The following DCC variants were observed in gnomAD, a reference collection of about 807,000 sequenced individuals.
DCC encodes DCC netrin 1 receptor.
Under a neutral mutation model 172.5 loss-of-function variants are expected in DCC, and 58 were observed. The observed-to-expected ratio is 0.34, with a 90% CI of 0.27 to 0.42. The LOEUF (loss-of-function observed/expected upper bound fraction) is 0.42, where lower values mean the gene tolerates loss of function less well. Ranked by LOEUF, DCC falls within the 10% of genes least tolerant of loss-of-function variation. The pLI, the probability that DCC is intolerant of heterozygous loss-of-function variation, is 1.00. For missense variants in DCC, 1,740 were observed against 1,791.0 expected (o/e 0.97, Z 0.51); for synonymous variants, 709 against 644.5 (o/e 1.10, Z -1.52).
chr18:53,483,807 AT>A (rs1297137709), intron 25 of DCC, among the ~76,000 whole-genome samples: 1 of 151,860 alleles, frequency 6.6e-6, no homozygotes, highest in African/African-American at 2.4e-5. Flanking sequence ...ATAGCGTAAA[AT>A]TTTATTGGAG....
At chr18:53,189,135 G>A (rs1047239518) in intron 9 of DCC, among the ~76,000 whole-genome samples, 1 of 151,998 alleles carries the variant, frequency 6.6e-6, no homozygotes, top group Non-Finnish European at 1.5e-5. Flanking sequence ...AGCAAACTAT[G>A]AAGTATATAT....
Position 53,366,680 on chromosome 18 carries a change from G to A in DCC, c.2360-19363G>A, listed in dbSNP as rs868481212. On this transcript the variant is annotated intron_variant, in intron 15 of 28. Transcript: ENST00000442544. The stretch of plus-strand genomic sequence containing the variant: ...TCCAAAAGCAATTACTTTAATAATA[G>A]ACTCGCCTATCTGAGTTTTAACAAG... Among the ~76,000 whole-genome samples, 8 of 152,194 alleles carry A rather than the reference G, an allele frequency of 5.3e-5. 1 individual carries two copies. The Middle Eastern group carries it at 0.017, about 324-fold the overall frequency.
chr18:53,052,644 GT>G (rs2042348965), intron 5 of DCC, among the ~76,000 whole-genome samples: 1 of 152,212 alleles, frequency 6.6e-6, no homozygotes, highest in Non-Finnish European at 1.5e-5. Flanking sequence ...AGGGGAATGA[GT>G]TTAGTTGAAG....
intron 1 of DCC, among the ~76,000 whole-genome samples, chr18:52,468,326 G>T (rs1488862853): frequency 3.9e-5 from 6 of 152,208 alleles, no homozygotes; most frequent in Non-Finnish European, 7.3e-5. Flanking sequence ...CATCGAAAAA[G>T]ATTGATGTTG....
chr18:52,984,639 C>T (rs2041263697), intron 5 of DCC, among the ~76,000 whole-genome samples: 1 of 152,038 alleles, frequency 6.6e-6, no homozygotes, highest in Non-Finnish European at 1.5e-5. Context: ...TGTATTTTTA[C>T]ATTCATACAT....
chr18:53,022,529 T>A (rs181211627), intron 5 of DCC, among the ~76,000 whole-genome samples: 249 of 130,626 alleles, frequency 1.9e-3, no homozygotes, highest in East Asian at 0.011. Flanking sequence ...TCAGTATTTT[T>A]TATATATATA....
chr18:52,925,360 C>T lies in DCC; in HGVS notation c.975C>T (p.Leu325=), dbSNP rs1266912739. Residue 325 remains leucine, a synonymous_variant, in exon 5 of 29, where the codon CTC becomes CTT. Transcript: ENST00000442544. Reference sequence around the variant, plus strand: ...AGAATATTAGTGCCTCTGCAGAGCTCACAGTCTTGGGTAAGTTAGTGGCTG... The same window carrying T: ...AGAATATTAGTGCCTCTGCAGAGCTTACAGTCTTGGGTAAGTTAGTGGCTG... ...KNENISASAE[L]TVLVPPWFLN... is the part of the protein sequence containing the mutation. 1 of 1,612,260 alleles carries T rather than the reference C, an allele frequency of 6.2e-7. No individual in the cohort carries two copies. Among genetic ancestry groups the T allele is most frequent in the East Asian group, 2.2e-5 (1 of 44,794 alleles).
chr18:52,644,349 C>A (rs543601029), intron 1 of DCC, among the ~76,000 whole-genome samples: 1 of 152,048 alleles, frequency 6.6e-6, no homozygotes, highest in Non-Finnish European at 1.5e-5. Context: ...GAGGCCAAGG[C>A]GGGTGGATCA....
chr18:53,466,128 G>T (rs557881545), intron 24 of DCC, among the ~76,000 whole-genome samples: 2 of 152,190 alleles, frequency 1.3e-5, no homozygotes, highest in East Asian at 1.9e-4. Flanking sequence ...TAGAGATGGG[G>T]TCTCACTGTT....
chr18:53,193,997 C>T (rs2055404258), intron 9 of DCC, among the ~76,000 whole-genome samples: 1 of 152,130 alleles, frequency 6.6e-6, no homozygotes, highest in Admixed American at 6.5e-5. Context: ...ATTAAAACTA[C>T]AAACATCAGA....
At position 52,990,047 on chromosome 18, in the gene DCC, T is replaced by C. The variant is rs60455447; in HGVS notation, c.985+64677T>C. ...GGATCTCCAGCACATGTCTTCTGGG[T>C]AAGAAGGAAAGACACTATATTCTCT... is the stretch of plus-strand genomic sequence containing the variant. On this transcript the variant is annotated intron_variant, in intron 5 of 28. Transcript: ENST00000442544. Among the ~76,000 whole-genome samples, 454 of 152,286 alleles carry C rather than the reference T, an allele frequency of 3.0e-3. 9 individuals carry two copies. The highest frequency in any genetic ancestry group is 0.011 in the African/African-American group (437 of 41,566).
chr18:52,591,353 TAAAC>T (rs1247483496), intron 1 of DCC, among the ~76,000 whole-genome samples: 10 of 152,194 alleles, frequency 6.6e-5, no homozygotes, highest in Admixed American at 1.3e-4. Flanking sequence ...AAAATTAAAT[TAAAC>T]AATGTCATTT....
intron 5 of DCC, among the ~76,000 whole-genome samples, chr18:52,999,947 C>T (rs957788500): frequency 6.6e-6 from 1 of 151,908 alleles, no homozygotes; most frequent in Non-Finnish European, 1.5e-5. Context: ...CATAGCCATG[C>T]AGGGAGAAGG....
rs775328641 is a variant in DCC, at chr18:53,157,363, A to C, written c.1269A>C (p.Pro423=). The part of the protein sequence containing the change: ...AQLIVPKPAI[P]SSSVLPSAPR... The stretch of plus-strand genomic sequence containing the variant: ...CCTCTTCTTTCTCCTTAGCTATCCC[A>C]AGCTCCAGTGTCCTCCCTTCGGCTC... The change falls in exon 8 of 29, where the codon CCA becomes CCC. Residue 423 remains proline (P), a synonymous_variant. Coordinates refer to ENST00000442544, the MANE Select transcript of DCC (RefSeq NM_005215.4). The C allele has an allele frequency of 8.7e-6, 14 of 1,614,050 alleles. No individual in the cohort carries two copies. In the Admixed American group the frequency reaches 2.3e-4, roughly 27 times the overall value.
Position 53,221,629 on chromosome 18 carries a change from C to G in DCC, c.1911+6032C>G, listed in dbSNP as rs183957643. 9.9e-5 allele frequency among the ~76,000 whole-genome samples: 15 copies of G among 152,154 alleles called. 1 individual carries two copies. Among genetic ancestry groups the G allele is most frequent in the Admixed American group, 9.8e-4 (15 of 15,270 alleles). On this transcript the variant is annotated intron_variant, in intron 12 of 28. Coordinates refer to ENST00000442544, the MANE Select transcript of DCC (RefSeq NM_005215.4). ...TACCCAATTACAGAATCCCTGGCAA[C>G]GACTATTTTACTTTTTGTATCCCAA...
intron 1 of DCC, among the ~76,000 whole-genome samples, chr18:52,568,997 C>G (rs2033230778): frequency 6.6e-6 from 1 of 152,190 alleles, no homozygotes; most frequent in Non-Finnish European, 1.5e-5. Flanking sequence ...AGGACTAACA[C>G]TTACCATACG....
intron 1 of DCC, among the ~76,000 whole-genome samples, chr18:52,642,338 G>A (rs997216014): frequency 1.3e-5 from 2 of 151,590 alleles, no homozygotes; most frequent in African/African-American, 2.4e-5. Context: ...TGGGAGGGGG[G>A]CAAGGGATAG....
At chr18:53,217,135 A>G (rs1318018199) in intron 12 of DCC, among the ~76,000 whole-genome samples, 1 of 152,060 alleles carries the variant, frequency 6.6e-6, no homozygotes, top group East Asian at 1.9e-4. Context: ...CCAGGAAAAG[A>G]TGAATGTTTT....
chr18:53,159,008 A>AAAAAAAAAAACAAAAAAAAAAAG (rs34406723), intron 8 of DCC, among the ~76,000 whole-genome samples: 1 of 119,180 alleles, frequency 8.4e-6, no homozygotes, highest in African/African-American at 3.3e-5. Context: ...AAAAAAAAGA[A>AAAAAAAAAAACAAAAAAAAAAAG]GAAGATGTAG....
Sources: gnomAD v4.1 joint callset for allele counts (sites outside exome capture counted in the v4.1 genomes callset) on GRCh38, gnomAD v4.1.1 for gene constraint, MANE v1.5 for transcripts, NCBI Gene and HGNC (gene_info 2026-07-23, HGNC 2026-07-21) for gene names.